IL1RAPL1: variants seen among roughly 807,000 people sequenced by gnomAD.
The protein encoded by IL1RAPL1 is interleukin-1 receptor accessory protein-like 1.
A neutral mutation model predicts 48.4 loss-of-function variants in IL1RAPL1; 3 were observed. The observed-to-expected ratio is 0.06, with a 90% confidence interval of 0.03 to 0.16. The LOEUF is 0.16. IL1RAPL1 is among the 10% of genes least tolerant of loss of function. IL1RAPL1 has a pLI of 1.00. For missense variants in IL1RAPL1, 349 were observed against 530.6 expected (o/e 0.66, Z 3.36); for synonymous variants, 185 against 187.7 (o/e 0.99, Z 0.12).
intron 1 of IL1RAPL1, among the ~76,000 whole-genome samples, chrX:28,712,680 T>C (rs896553341): frequency 1.8e-5 from 2 of 111,344 alleles, no homozygotes; most frequent in South Asian, 3.7e-4. Context: ...TTCTCCACTT[T>C]CTGAACTAAT....
intron 1 of IL1RAPL1, among the ~76,000 whole-genome samples, chrX:28,716,864 C>G (rs1439268085): frequency 9.0e-6 from 1 of 111,507 alleles, no homozygotes; most frequent in Non-Finnish European, 1.9e-5. Flanking sequence ...ACAGACACTT[C>G]TCAAAGGAAG....
At chrX:29,911,299 A>G (rs1272237416) in intron 6 of IL1RAPL1, among the ~76,000 whole-genome samples, 2 of 111,993 alleles carry the variant, frequency 1.8e-5, no homozygotes, top group Non-Finnish European at 3.8e-5. Flanking sequence ...GACAGAAAGT[A>G]GAAGTAGATT....
chrX:29,925,242 C>T (rs1932876312), intron 8 of IL1RAPL1, among the ~76,000 whole-genome samples: 1 of 109,804 alleles, frequency 9.1e-6, no homozygotes, highest in African/African-American at 3.3e-5. Flanking sequence ...GAGCTAATGT[C>T]AATGAAATGG....
intron 3 of IL1RAPL1, among the ~76,000 whole-genome samples, chrX:29,393,165 G>A (rs1236573686): frequency 1.5e-5 from 1 of 65,553 alleles, no homozygotes; most frequent in Admixed American, 1.7e-4. Flanking sequence ...TCGCTCTGTC[G>A]CCCAGGCTTG....
intron 3 of IL1RAPL1, among the ~76,000 whole-genome samples, chrX:29,288,342 G>T (rs1243945964): frequency 1.8e-5 from 2 of 110,462 alleles, no homozygotes; most frequent in Non-Finnish European, 3.8e-5. Context: ...CCCAGTGTGT[G>T]TTGTTCCCCT....
intron 2 of IL1RAPL1, among the ~76,000 whole-genome samples, chrX:29,191,448 T>A (rs1176345263): frequency 1.8e-5 from 2 of 111,559 alleles, no homozygotes; most frequent in African/African-American, 6.5e-5. Flanking sequence ...CAAAACTCTG[T>A]ACTTATTTTA....
chrX:29,792,752 C>T (rs1929665394), intron 6 of IL1RAPL1, among the ~76,000 whole-genome samples: 1 of 110,625 alleles, frequency 9.0e-6, no homozygotes, highest in Non-Finnish European at 1.9e-5. Context: ...TTAAACATCC[C>T]ATTTAATCAT....
chrX:28,661,141 A>G (rs1335625625), intron 1 of IL1RAPL1, among the ~76,000 whole-genome samples: 2 of 111,985 alleles, frequency 1.8e-5, no homozygotes. Context: ...AATAAAATTC[A>G]ATTGAGGAAG....
At chrX:29,796,025 A>C (rs946297782) in intron 6 of IL1RAPL1, among the ~76,000 whole-genome samples, 9 of 112,125 alleles carry the variant, frequency 8.0e-5, no homozygotes, top group African/African-American at 2.9e-4. Flanking sequence ...TGTGCTTTCT[A>C]CCTCTCAGTT....
At chrX:29,849,099 G>T (rs1008036238) in intron 6 of IL1RAPL1, among the ~76,000 whole-genome samples, 20 of 109,747 alleles carry the variant, frequency 1.8e-4, no homozygotes, top group African/African-American at 6.4e-4. Flanking sequence ...AGCAAGATTT[G>T]CTCTTACCAA....
chrX:29,484,072 G>A (rs1279402042), intron 5 of IL1RAPL1, among the ~76,000 whole-genome samples: 1 of 109,343 alleles, frequency 9.1e-6, no homozygotes, highest in Admixed American at 9.9e-5. Context: ...AGGTGCTAGG[G>A]ATAAAATATA....
At chrX:28,709,393 G>C (rs1935414166) in intron 1 of IL1RAPL1, among the ~76,000 whole-genome samples, 1 of 111,878 alleles carries the variant, frequency 8.9e-6, no homozygotes, top group African/African-American at 3.2e-5. Context: ...AGAAAGCTTA[G>C]TTAACTTTCA....
intron 6 of IL1RAPL1, among the ~76,000 whole-genome samples, chrX:29,911,462 G>A (rs1223091088): frequency 1.8e-5 from 2 of 111,930 alleles, no homozygotes; most frequent in Non-Finnish European, 3.8e-5. Context: ...TTCATGCTAT[G>A]TGAATTGTAT....
At chrX:29,245,258 T>C (rs1212710609) in intron 2 of IL1RAPL1, among the ~76,000 whole-genome samples, 5 of 111,541 alleles carry the variant, frequency 4.5e-5, no homozygotes, top group Non-Finnish European at 9.4e-5. Context: ...GTCTTTATAG[T>C]AGAATGATTT....
At chrX:29,663,465 T>G (rs889582246) in intron 5 of IL1RAPL1, among the ~76,000 whole-genome samples, 6 of 112,335 alleles carry the variant, frequency 5.3e-5, no homozygotes, top group African/African-American at 1.9e-4. Context: ...TGACTCTATG[T>G]CTTACTCATT....
intron 3 of IL1RAPL1, among the ~76,000 whole-genome samples, chrX:29,337,821 C>T (rs1251663279): frequency 1.8e-5 from 2 of 109,931 alleles, no homozygotes; most frequent in Non-Finnish European, 3.8e-5. Context: ...ATTACAGGTG[C>T]CCGTCACCAC....
intron 6 of IL1RAPL1, among the ~76,000 whole-genome samples, chrX:29,905,339 C>A (rs1273356978): frequency 1.8e-5 from 2 of 111,087 alleles, no homozygotes; most frequent in Admixed American, 9.6e-5. Flanking sequence ...ATACTAGTTT[C>A]TTTTGTTGTG....
intron 5 of IL1RAPL1, among the ~76,000 whole-genome samples, chrX:29,590,715 A>G (rs1303837339): frequency 8.9e-6 from 1 of 111,751 alleles, no homozygotes; most frequent in Admixed American, 9.5e-5. Flanking sequence ...AGTCTGAAAG[A>G]GCCCAAGGAA....
chrX:29,538,499 A>G (rs1921321393), intron 5 of IL1RAPL1, among the ~76,000 whole-genome samples: 1 of 107,721 alleles, frequency 9.3e-6, no homozygotes, highest in South Asian at 4.2e-4. Flanking sequence ...TACCACTCCC[A>G]GCTAATTTTT....
Sources: allele counts gnomAD v4.1 joint callset (sites outside exome capture counted in the v4.1 genomes callset), GRCh38; gene constraint gnomAD v4.1.1; transcripts MANE v1.5; gene names NCBI Gene and HGNC (gene_info 2026-07-23, HGNC 2026-07-21).